The following PALM2AKAP2 variants were observed in gnomAD, a reference collection of about 807,000 sequenced individuals.
The protein encoded by PALM2AKAP2 is PALM2-AKAP2 fusion protein.
PALM2AKAP2 carries 37 observed loss-of-function variants against 71.5 expected under a neutral mutation model. The ratio of observed to expected loss-of-function variants is 0.52; its 90% confidence interval spans 0.40 to 0.68. PALM2AKAP2 has a LOEUF of 0.68. Ranked by LOEUF, PALM2AKAP2 falls within the 30% of genes least tolerant of loss-of-function variation. The pLI, the probability that PALM2AKAP2 is intolerant of heterozygous loss-of-function variation, is 0.00. For synonymous variants in PALM2AKAP2, 468 were observed against 478.8 expected, an observed-to-expected ratio of 0.98 and a Z score of 0.29; for missense variants, 1,224 against 1,191.8, an observed-to-expected ratio of 1.03 and a Z score of -0.40.
chr9:109,872,263 G>A (rs1190189760), intron 2 of PALM2AKAP2, among the ~76,000 whole-genome samples: 3 of 151,960 alleles, frequency 2.0e-5, no homozygotes, highest in Non-Finnish European at 2.9e-5. Context: ...TTTATAATGA[G>A]ACTTGTGATG....
Position 110,123,657 on chromosome 9 carries a change from T to C in PALM2AKAP2, c.157-12470T>C, listed in dbSNP as rs186692542. On this transcript the variant is annotated intron_variant, in intron 1 of 3. Transcript: ENST00000374525. The stretch of plus-strand genomic sequence containing the variant: ...CTGGCGTCTCTGAGACACCAGGTCA[T>C]TTGCAAACCTACTCCTTGGAAAATA... Among the ~76,000 whole-genome samples the C allele has an allele frequency of 1.8e-3, 274 of 152,298 alleles. 1 individual carries two copies. The highest frequency in any genetic ancestry group is 6.2e-3 in the African/African-American group (257 of 41,568).
intron 6 of PALM2AKAP2, among the ~76,000 whole-genome samples, chr9:109,938,409 C>G (rs1831281344): frequency 6.6e-6 from 1 of 152,098 alleles, no homozygotes; most frequent in African/African-American, 2.4e-5. Context: ...TAGAATCACA[C>G]TCTTAAGTGT....
At chr9:109,655,468 A>T (rs1052654352) in intron 1 of PALM2AKAP2, among the ~76,000 whole-genome samples, 6 of 152,146 alleles carry the variant, frequency 3.9e-5, no homozygotes, top group Non-Finnish European at 5.9e-5. Flanking sequence ...AAAATTTACC[A>T]TTGTAACCAT....
intron 6 of PALM2AKAP2, among the ~76,000 whole-genome samples, chr9:110,014,923 G>T (rs538958750): frequency 7.5e-6 from 1 of 133,024 alleles, no homozygotes; most frequent in Non-Finnish European, 1.5e-5. Flanking sequence ...CTCTATTCAC[G>T]TACATAACTG....
intron 1 of PALM2AKAP2, among the ~76,000 whole-genome samples, chr9:109,770,264 AT>A (rs997078893): frequency 8.3e-4 from 125 of 149,746 alleles, no homozygotes; most frequent in South Asian, 2.6e-3. Context: ...CCCAGAGCAG[AT>A]TTTTTTTTTT....
At chr9:110,071,409 T>G (rs910999977) in intron 1 of PALM2AKAP2, among the ~76,000 whole-genome samples, 1 of 152,204 alleles carries the variant, frequency 6.6e-6, no homozygotes, top group Non-Finnish European at 1.5e-5. Flanking sequence ...AGCTTTTCAC[T>G]TTTTTACATT....
intron 1 of PALM2AKAP2, among the ~76,000 whole-genome samples, chr9:110,051,382 A>G (rs187677698): frequency 3.0e-4 from 45 of 152,366 alleles, no homozygotes; most frequent in Admixed American, 9.1e-4. Context: ...ATTTTCTTAT[A>G]GAACTAACAT....
At chr9:109,658,455 G>A (rs531906581) in intron 1 of PALM2AKAP2, among the ~76,000 whole-genome samples, 1 of 152,256 alleles carries the variant, frequency 6.6e-6, no homozygotes, top group Non-Finnish European at 1.5e-5. Flanking sequence ...ATATGTTCAT[G>A]TCTCAAGGGA....
At chr9:110,068,087 CT>C (rs5899875) in intron 1 of PALM2AKAP2, among the ~76,000 whole-genome samples, 43 of 122,934 alleles carry the variant, frequency 3.5e-4, no homozygotes, top group South Asian at 7.6e-4. Context: ...GTTCCAAACT[CT>C]TTTTTTTTTT....
intron 1 of PALM2AKAP2, among the ~76,000 whole-genome samples, chr9:110,063,439 AT>A (rs35944774): frequency 0.31 from 40,606 of 130,996 alleles, 5,104 homozygotes; most frequent in East Asian, 0.4. Flanking sequence ...CCAAATTTCT[AT>A]TTTTTTTTTT....
chr9:110,168,488 C>T (rs766530788), exon 4 of PALM2AKAP2: 3 of 1,613,968 alleles, frequency 1.9e-6, no homozygotes, highest in African/African-American at 2.7e-5. Flanking sequence ...AGGAAGAAGA[C>T]AACGAATAAA....
At chr9:109,999,835 T>G (rs1832647465) in intron 6 of PALM2AKAP2, among the ~76,000 whole-genome samples, 1 of 152,050 alleles carries the variant, frequency 6.6e-6, no homozygotes, top group Non-Finnish European at 1.5e-5. Flanking sequence ...ACACTGGGGC[T>G]GAGCTAAGAC....
At chr9:109,742,467 G>C (rs1828730487) in intron 1 of PALM2AKAP2, among the ~76,000 whole-genome samples, 1 of 152,126 alleles carries the variant, frequency 6.6e-6, no homozygotes. Context: ...AAATGGGTCA[G>C]GAGTCTAAAA....
At chr9:109,790,140 G>T (rs1392648921) in intron 1 of PALM2AKAP2, among the ~76,000 whole-genome samples, 2 of 152,174 alleles carry the variant, frequency 1.3e-5, no homozygotes, top group Non-Finnish European at 2.9e-5. Flanking sequence ...AGATGAAAAA[G>T]CTGTGGGCCA....
At chr9:109,652,118 T>C (rs1827234074) in intron 1 of PALM2AKAP2, among the ~76,000 whole-genome samples, 1 of 152,196 alleles carries the variant, frequency 6.6e-6, no homozygotes, top group Admixed American at 6.5e-5. Context: ...TGAAAATGTG[T>C]GTTTCACAAG....
chr9:109,681,370 C>T (rs1460435827), intron 1 of PALM2AKAP2, among the ~76,000 whole-genome samples: 1 of 152,182 alleles, frequency 6.6e-6, no homozygotes, highest in South Asian at 2.1e-4. Context: ...ATTTAATACT[C>T]ACAATAAGCT....
At chr9:109,904,092 T>A (rs1014855505) in intron 3 of PALM2AKAP2, among the ~76,000 whole-genome samples, 11 of 152,204 alleles carry the variant, frequency 7.2e-5, no homozygotes, top group Non-Finnish European at 1.3e-4. Context: ...TTTAAAGCAC[T>A]GGAAGAGAAA....
intron 1 of PALM2AKAP2, among the ~76,000 whole-genome samples, chr9:109,786,082 G>A (rs115951337): frequency 3.9e-5 from 6 of 152,306 alleles, no homozygotes; most frequent in South Asian, 2.1e-4. Context: ...TGGCTGTGCC[G>A]TGGGCTTACA....
intron 6 of PALM2AKAP2, among the ~76,000 whole-genome samples, chr9:109,954,360 T>G (rs1335542114): frequency 6.6e-6 from 1 of 152,080 alleles, no homozygotes; most frequent in Non-Finnish European, 1.5e-5. Flanking sequence ...GACCACATCA[T>G]CTCCCCAGCA....
Sources: allele counts gnomAD v4.1 joint callset (sites outside exome capture counted in the v4.1 genomes callset), GRCh38; gene constraint gnomAD v4.1.1; transcripts MANE v1.5; gene names NCBI Gene and HGNC (gene_info 2026-07-23, HGNC 2026-07-21).